DUS2: variants seen among roughly 807,000 people sequenced by gnomAD.
DUS2 encodes the protein dihydrouridine synthase 2.
DUS2 carries 52 observed loss-of-function variants against 71.3 expected under a neutral mutation model. The ratio of observed to expected loss-of-function variants is 0.73; its 90% confidence interval spans 0.58 to 0.92. DUS2 has a LOEUF of 0.92. Among genes scored for constraint, DUS2 ranks in the 40% least tolerant of loss-of-function variants. The pLI is 0.00. For synonymous variants in DUS2, 204 were observed against 227.8 expected, an observed-to-expected ratio of 0.90 and a Z score of 0.94; for missense variants, 558 against 622.6, an observed-to-expected ratio of 0.90 and a Z score of 1.10.
At chr16:68,058,245 A>G (rs773293924) in intron 7 of DUS2, among the ~76,000 whole-genome samples, 4 of 145,984 alleles carry the variant, frequency 2.7e-5, no homozygotes, top group Non-Finnish European at 6.0e-5. Flanking sequence ...TTTTTTTGAG[A>G]TGGAGTCTCA....
At chr16:68,052,632 T>G (rs1024317072) in intron 4 of DUS2, among the ~76,000 whole-genome samples, 2 of 151,962 alleles carry the variant, frequency 1.3e-5, no homozygotes, top group Non-Finnish European at 2.9e-5. Context: ...ATAGACAAAC[T>G]TCCATGTATG....
At position 68,070,886 on chromosome 16, in the gene DUS2, A is replaced by G. The variant is rs185680418; in HGVS notation, c.642-54A>G. 85 of 1,586,776 alleles carry G rather than the reference A, an allele frequency of 5.4e-5. No individual in the cohort carries two copies. The East Asian group carries it at 1.9e-3, about 36-fold the overall frequency. On this transcript the variant is annotated intron_variant, in intron 11 of 16. Coordinates refer to ENST00000565263, the MANE Select transcript of DUS2 (RefSeq NM_017803.5). The stretch of plus-strand genomic sequence containing the variant: ...GATCTGAGAGCTGACTTTTTCTGAA[A>G]ATGCTGATAGGTTCCGTGATGGGGA...
chr16:68,029,391 C>T (rs2033405085), intron 2 of DUS2, among the ~76,000 whole-genome samples: 1 of 152,076 alleles, frequency 6.6e-6, no homozygotes, highest in African/African-American at 2.4e-5. Flanking sequence ...GATCCTCTTG[C>T]CTCAACCTCC....
intron 3 of DUS2, among the ~76,000 whole-genome samples, chr16:68,046,383 T>A (rs1192574253): frequency 6.9e-6 from 1 of 145,908 alleles, no homozygotes; most frequent in Non-Finnish European, 1.5e-5. Flanking sequence ...ATTTCATTCA[T>A]TTTTTTTTTT....
intron 12 of DUS2, among the ~76,000 whole-genome samples, 195 bp from the exon 13 acceptor site, chr16:68,073,839 T>C (rs1252544977): frequency 6.6e-6 from 1 of 152,178 alleles, no homozygotes; most frequent in Admixed American, 6.5e-5. Context: ...TCCTCCTGCA[T>C]TGGCCTCTCA....
intron 3 of DUS2, 35 bp downstream of exon 3, chr16:68,038,184 A>C: frequency 1.2e-6 from 2 of 1,610,580 alleles, no homozygotes; most frequent in Non-Finnish European, 1.7e-6. Flanking sequence ...GGGCTTCTCC[A>C]CAAGTACAGA....
chr16:68,037,910 T>C, intron 2 of DUS2, 96 bp from the exon 3 acceptor site: 2 of 1,236,088 alleles, frequency 1.6e-6, no homozygotes, highest in South Asian at 2.9e-5. Context: ...AAAACTACTG[T>C]GTGCTGGAAC....
At chr16:68,024,895 G>A (rs911925423) in intron 1 of DUS2, among the ~76,000 whole-genome samples, 6 of 150,322 alleles carry the variant, frequency 4.0e-5, no homozygotes, top group African/African-American at 1.5e-4. Flanking sequence ...ACAGTGGTGC[G>A]ATGTCAGCTC....
chr16:68,067,134 C>CATCT, intron 10 of DUS2, among the ~76,000 whole-genome samples: 1 of 59,224 alleles, frequency 1.7e-5, no homozygotes, highest in East Asian at 5.8e-4. Context: ...CCTCCCCTCC[C>CATCT]CCTCCCTTCT....
At chr16:68,040,584 A>G (rs1352063466) in intron 3 of DUS2, among the ~76,000 whole-genome samples, 1 of 152,196 alleles carries the variant, frequency 6.6e-6, no homozygotes, top group Admixed American at 6.5e-5. Context: ...CTTCCCTGAG[A>G]GAGTCAGTAT....
At position 68,047,282 on chromosome 16, in the gene DUS2, C is replaced by T. The variant is rs181667682; in HGVS notation, c.127-2223C>T. The stretch of plus-strand genomic sequence containing the variant: ...TGTTGGCCAGGCTGGCCTTGAACTC[C>T]TGACCTCGTGATCCACCCGCCTCAG... On this transcript the variant is annotated intron_variant, in intron 3 of 16. Coordinates refer to ENST00000565263, the MANE Select transcript of DUS2 (RefSeq NM_017803.5). Among the ~76,000 whole-genome samples, 950 of 151,488 alleles carry T rather than the reference C, an allele frequency of 6.3e-3. 11 individuals carry two copies. Among genetic ancestry groups the T allele is most frequent in the African/African-American group, 0.022 (908 of 41,276 alleles).
chr16:68,043,480 G>T (rs1257054204), intron 3 of DUS2, among the ~76,000 whole-genome samples: 1 of 150,724 alleles, frequency 6.6e-6, no homozygotes, highest in Non-Finnish European at 1.5e-5. Flanking sequence ...TTGTTTTTTT[G>T]ATGGTAGCCA....
intron 2 of DUS2, among the ~76,000 whole-genome samples, chr16:68,034,733 C>T (rs1390868377): frequency 6.6e-6 from 1 of 152,230 alleles, no homozygotes; most frequent in East Asian, 1.9e-4. Flanking sequence ...CATGGTGGCT[C>T]ATGCCTGTAA....
At chr16:68,029,275 A>G (rs1002985662) in intron 2 of DUS2, among the ~76,000 whole-genome samples, 1 of 151,010 alleles carries the variant, frequency 6.6e-6, no homozygotes, top group African/African-American at 2.4e-5. Flanking sequence ...TGTCATGTGC[A>G]TGTATTTTGT....
chr16:68,072,997 T>G (rs79422074), intron 12 of DUS2, among the ~76,000 whole-genome samples: 2,103 of 152,304 alleles, frequency 0.014, 25 homozygotes, highest in Middle Eastern at 0.11. Flanking sequence ...AGGTGCCCAT[T>G]CTGGTTAGAA....
chr16:68,033,421 GTTCTC>G (rs2033470134), intron 2 of DUS2, among the ~76,000 whole-genome samples: 1 of 151,988 alleles, frequency 6.6e-6, no homozygotes, highest in Non-Finnish European at 1.5e-5. Flanking sequence ...TGGTTAACAT[GTTCTC>G]TTCCTTTAGA....
Position 68,076,727 on chromosome 16 carries a change from C to T in DUS2, c.1170+8C>T, listed in dbSNP as rs754233297. 1.2e-6 allele frequency: 2 copies of T among 1,612,074 alleles called. No individual in the cohort carries two copies. The highest frequency in any genetic ancestry group is 2.2e-5 in the East Asian group (1 of 44,846). On this transcript the variant is annotated splice_region_variant and intron_variant, in intron 15 of 16. Coordinates refer to ENST00000565263, the MANE Select transcript of DUS2 (RefSeq NM_017803.5). Reference sequence around the variant, plus strand: ...CAGCCTGTGTATGAAACGGTGAGTTCCTGGCTGTGGCCTGCCCTGCAGCCA... The same window carrying T: ...CAGCCTGTGTATGAAACGGTGAGTTTCTGGCTGTGGCCTGCCCTGCAGCCA...
chr16:68,058,451 C>T (rs765802015), intron 7 of DUS2, among the ~76,000 whole-genome samples: 12 of 151,966 alleles, frequency 7.9e-5, no homozygotes, highest in Non-Finnish European at 1.8e-4. Context: ...TGGTCTTGAA[C>T]GCCTGACCTC....
chr16:68,044,528 TGGGACTA>T (rs768198507), intron 3 of DUS2, among the ~76,000 whole-genome samples: 38 of 151,742 alleles, frequency 2.5e-4, no homozygotes, highest in Admixed American at 6.6e-4. Context: ...CCTGAGTAGC[TGGGACTA>T]CAGCCATACT....
Sources: allele counts gnomAD v4.1 joint callset (sites outside exome capture counted in the v4.1 genomes callset), GRCh38; gene constraint gnomAD v4.1.1; transcripts MANE v1.5; gene names NCBI Gene and HGNC (gene_info 2026-07-23, HGNC 2026-07-21).